The following CLGN variants were observed in gnomAD, a reference collection of about 807,000 sequenced individuals.
The protein encoded by CLGN is testis tissue sperm-binding protein Li 79P.
In CLGN, 62 loss-of-function variants were observed where a neutral mutation model predicts 79.1. The ratio of observed to expected loss-of-function variants is 0.78; its 90% CI spans 0.64 to 0.97. CLGN has a LOEUF of 0.97. Among genes scored for constraint, CLGN ranks in the 50% least tolerant of loss-of-function variants. The pLI is 0.00. For missense variants in CLGN, 647 were observed against 715.5 expected (o/e 0.90, Z 1.09); for synonymous variants, 225 against 224.7 (o/e 1.00, Z -0.01).
At chr4:140,393,355 T>C (rs978349736) in intron 11 of CLGN, among the ~76,000 whole-genome samples, 1 of 152,118 alleles carries the variant, frequency 6.6e-6, no homozygotes, top group Admixed American at 6.5e-5. Flanking sequence ...ATGCATTGTG[T>C]TGAAATATTT....
Position 140,406,091 on chromosome 4 carries a change from A to G in CLGN, c.278-8T>C, listed in dbSNP as rs577371433. 6.2e-7 allele frequency: 1 copy of G among 1,611,462 alleles called. No homozygotes were observed. Among genetic ancestry groups the G allele is most frequent in the Non-Finnish European group, 8.5e-7 (1 of 1,179,068 alleles). On this transcript the variant is annotated splice_region_variant and splice_polypyrimidine_tract_variant and intron_variant, in intron 4 of 14. Coordinates refer to ENST00000325617, the MANE Select transcript of CLGN (RefSeq NM_004362.3). ...CTTCAATTTCCCATCTTCCTAAAAA[A>G]TAAAGCAAAGCAAATTAAACTAAAA...
chr4:140,426,593 C>A (rs1046466998), intron 1 of CLGN: 2 of 152,250 alleles, frequency 1.3e-5, no homozygotes, highest in Non-Finnish European at 2.9e-5. Flanking sequence ...GTAAAACAAG[C>A]AAAATCATCA....
intron 2 of CLGN, among the ~76,000 whole-genome samples, chr4:140,411,117 G>A (rs906952424): frequency 2.6e-5 from 4 of 152,076 alleles, no homozygotes; most frequent in African/African-American, 4.8e-5. Context: ...TCAACAAAGC[G>A]TTGTTTCAAG....
At chr4:140,408,860 CATATATATATATAT>C (rs112593782) in intron 4 of CLGN, among the ~76,000 whole-genome samples, 1 of 138,398 alleles carries the variant, frequency 7.2e-6, no homozygotes, top group Non-Finnish European at 1.6e-5. Flanking sequence ...AGTTGATAAG[CATATATATATATAT>C]ATATATATAT....
chr4:140,408,431 C>T (rs1316869310), intron 4 of CLGN, among the ~76,000 whole-genome samples: 1 of 152,042 alleles, frequency 6.6e-6, no homozygotes. Context: ...ACCTATGAAT[C>T]TGACAAAGGA....
chr4:140,401,642 C>T (rs1047264324), intron 6 of CLGN, among the ~76,000 whole-genome samples: 1 of 152,114 alleles, frequency 6.6e-6, no homozygotes, highest in Non-Finnish European at 1.5e-5. Flanking sequence ...CACTGCTATG[C>T]TTTGTTATGC....
chr4:140,427,164 C>A (rs934170845), intron 1 of CLGN, among the ~76,000 whole-genome samples: 2 of 152,186 alleles, frequency 1.3e-5, no homozygotes, highest in African/African-American at 4.8e-5. Context: ...GCTGGAATAA[C>A]GGCCTCGGCT....
chr4:140,411,111 C>T (rs778451151), intron 2 of CLGN, among the ~76,000 whole-genome samples: 10 of 152,026 alleles, frequency 6.6e-5, no homozygotes, highest in Admixed American at 6.6e-4. Context: ...CAATTATCAA[C>T]AAAGCGTTGT....
chr4:140,397,283 G>A (rs1728908909), intron 8 of CLGN, among the ~76,000 whole-genome samples: 1 of 151,968 alleles, frequency 6.6e-6, no homozygotes, highest in Admixed American at 6.6e-5. Flanking sequence ...CATGTGGTAG[G>A]TGAAAAATGG....
intron 8 of CLGN, 74 bp from the exon 9 acceptor site, chr4:140,396,279 C>A: frequency 4.3e-6 from 5 of 1,172,252 alleles, no homozygotes; most frequent in Non-Finnish European, 6.3e-6. Flanking sequence ...TAAGAAGGTA[C>A]CATAAAATTA....
chr4:140,392,802 AT>A, intron 11 of CLGN, 91 bp from the exon 12 acceptor site: 1 of 1,226,732 alleles, frequency 8.2e-7, no homozygotes, highest in Non-Finnish European at 1.1e-6. Context: ...TTACTCAGGC[AT>A]TTTACATTAA....
intron 10 of CLGN, among the ~76,000 whole-genome samples, chr4:140,395,296 G>A (rs1261841374): frequency 3.3e-5 from 5 of 151,994 alleles, no homozygotes; most frequent in South Asian, 4.2e-4. Flanking sequence ...ACAGGCGTGC[G>A]CCACCACATC....
At chr4:140,396,816 C>G (rs146130136) in intron 8 of CLGN, among the ~76,000 whole-genome samples, 6 of 147,708 alleles carry the variant, frequency 4.1e-5, no homozygotes, top group Admixed American at 2.7e-4. Flanking sequence ...CCTCAGCCCC[C>G]CAAAGTGCTG....
chr4:140,408,860 CAT>C (rs112593782), intron 4 of CLGN, among the ~76,000 whole-genome samples: 67 of 138,382 alleles, frequency 4.8e-4, no homozygotes, highest in South Asian at 7.0e-4. Flanking sequence ...AGTTGATAAG[CAT>C]ATATATATAT....
chr4:140,398,737 T>G (rs994974412), intron 8 of CLGN, 114 bp downstream of exon 8: 30 of 817,592 alleles, frequency 3.7e-5, no homozygotes, highest in East Asian at 1.4e-4. Flanking sequence ...ATACTAAAAA[T>G]AAGTAGTTCT....
chr4:140,413,979 A>C (rs1252610053), intron 1 of CLGN, among the ~76,000 whole-genome samples: 1 of 152,224 alleles, frequency 6.6e-6, no homozygotes, highest in East Asian at 1.9e-4. Context: ...TGAAGAGAGC[A>C]GTGGTTCTCC....
rs760000423 is a variant in CLGN, at chr4:140,395,949, T to C, written c.1019A>G (p.Glu340Gly). 6.3e-7 allele frequency: 1 copy of C among 1,598,686 alleles called. No homozygotes were observed. Among genetic ancestry groups the C allele is most frequent in the Non-Finnish European group, 8.5e-7 (1 of 1,174,484 alleles). Residue 340 changes from glutamate to glycine, a missense_variant, in exon 10 of 15, where the codon GAA (glutamate) becomes GGA (glycine). Coordinates refer to ENST00000325617, the MANE Select transcript of CLGN (RefSeq NM_004362.3). The part of the protein sequence containing the change: ...PDDWNEDTDG[E>G]WEAPQILNPA... ...ATTAAGAATCTGAGGTGCCTCCCAT[T>C]CTCCATCCGTGTCTTCATTCCTTAG... is the stretch of plus-strand genomic sequence containing the variant.
intron 7 of CLGN, 105 bp from the exon 8 acceptor site, chr4:140,399,145 T>C: frequency 1.2e-6 from 1 of 862,924 alleles, no homozygotes. Context: ...TAAAGCTTTT[T>C]TCCCAACCAG....
chr4:140,400,385 T>C lies in CLGN; in HGVS notation c.666A>G (p.Thr222=), dbSNP rs1327889762. 6.2e-7 allele frequency: 1 copy of C among 1,611,856 alleles called. No individual in the cohort carries two copies. Among genetic ancestry groups the C allele is most frequent in the Non-Finnish European group, 8.5e-7 (1 of 1,178,960 alleles). The part of the protein sequence containing the change: ...PPDVDLKKFF[T]DRKTHLYTLV... ...GGGTATAAAGATGAGTCTTCCTGTC[T>C]GTAAAGAACTTTTTAAGGTCTACAT... The change falls in exon 7 of 15, where the codon ACA becomes ACG. Residue 222 remains threonine, a synonymous_variant. Coordinates refer to ENST00000325617, the MANE Select transcript of CLGN (RefSeq NM_004362.3).
Sources: gnomAD v4.1 joint callset for allele counts (sites outside exome capture counted in the v4.1 genomes callset) on GRCh38, gnomAD v4.1.1 for gene constraint, MANE v1.5 for transcripts, NCBI Gene and HGNC (gene_info 2026-07-23, HGNC 2026-07-21) for gene names.